The following LIMA1 variants were observed in gnomAD, a reference collection of about 807,000 sequenced individuals.
LIMA1 encodes the protein LIM domain and actin binding 1.
LIMA1 carries 52 observed loss-of-function variants against 62.6 expected under a neutral mutation model. That is an observed-to-expected ratio of 0.83 (90% CI 0.67 to 1.05). The LOEUF is 1.05. LIMA1 is among the 50% of genes least tolerant of loss of function. The pLI, the probability that LIMA1 is intolerant of heterozygous loss-of-function variation, is 0.00. For missense variants in LIMA1, 780 were observed against 902.2 expected (o/e 0.86, Z 1.74); for synonymous variants, 302 against 317.8 (o/e 0.95, Z 0.53).
At chr12:50,270,233 CAAAAAAA>C (rs60610107) in intron 1 of LIMA1, among the ~76,000 whole-genome samples, 25 of 68,402 alleles carry the variant, frequency 3.7e-4, no homozygotes, top group East Asian at 2.1e-3. Flanking sequence ...GAAACTCTGT[CAAAAAAA>C]AAAAAAAAAA....
chr12:50,244,751 C>T (rs369492620), intron 2 of LIMA1, among the ~76,000 whole-genome samples: 1 of 152,216 alleles, frequency 6.6e-6, no homozygotes, highest in African/African-American at 2.4e-5. Flanking sequence ...TTTCCAACCT[C>T]TTAACTCTCC....
At chr12:50,253,373 A>T (rs1941954290) in intron 1 of LIMA1, among the ~76,000 whole-genome samples, 1 of 152,232 alleles carries the variant, frequency 6.6e-6, no homozygotes. Context: ...TGGTAACGAA[A>T]TTGAGATTCA....
intron 3 of LIMA1, among the ~76,000 whole-genome samples, chr12:50,225,495 T>A (rs1941514082): frequency 6.6e-6 from 1 of 152,232 alleles, no homozygotes; most frequent in Non-Finnish European, 1.5e-5. Context: ...GTTCTACACT[T>A]TGCATTTAAT....
At chr12:50,214,466 T>A (rs1456216515) in intron 4 of LIMA1, among the ~76,000 whole-genome samples, 1 of 152,240 alleles carries the variant, frequency 6.6e-6, no homozygotes, top group East Asian at 1.9e-4. Flanking sequence ...TGTTAATAGT[T>A]ATTCAAATAC....
intron 4 of LIMA1, among the ~76,000 whole-genome samples, chr12:50,208,515 T>C (rs767074917): frequency 6.6e-6 from 1 of 151,640 alleles, no homozygotes; most frequent in Non-Finnish European, 1.5e-5. Context: ...CTGGGCATTA[T>C]GGCATGCGCC....
chr12:50,177,273 TATC>T lies in LIMA1; in HGVS notation c.2068_2070del (p.Asp690del), dbSNP rs770856744. On this transcript the variant is annotated inframe_deletion, in exon 11 of 11. Transcript: ENST00000341247. The stretch of plus-strand genomic sequence containing the variant: ...GGAGATTGTTGTTTGAGGAAGCTGT[TATC>T]ATCTTCATCGGAGTCTGCACCATTT... 6 of 1,614,184 alleles carry T rather than the reference TATC, an allele frequency of 3.7e-6. No individual in the cohort carries two copies. The highest frequency in any genetic ancestry group is 5.1e-6 in the Non-Finnish European group (6 of 1,180,042).
chr12:50,264,239 TG>T (rs1942112454), intron 1 of LIMA1, among the ~76,000 whole-genome samples: 1 of 152,110 alleles, frequency 6.6e-6, no homozygotes, highest in South Asian at 2.1e-4. Context: ...TGACTGCTGA[TG>T]GGTATGAATT....
At chr12:50,193,992 T>C (rs1592505942) in intron 8 of LIMA1, among the ~76,000 whole-genome samples, 1 of 132,720 alleles carries the variant, frequency 7.5e-6, no homozygotes, top group Non-Finnish European at 1.5e-5. Context: ...TATATATATA[T>C]ATATATTTTT....
chr12:50,180,906 A>G (rs2138379843), intron 10 of LIMA1, among the ~76,000 whole-genome samples: 1 of 151,852 alleles, frequency 6.6e-6, no homozygotes, highest in Non-Finnish European at 1.5e-5. Context: ...AGGTCAGGAG[A>G]TCAAGACCAT....
chr12:50,178,960 A>AT (rs1330751159), intron 10 of LIMA1, among the ~76,000 whole-genome samples: 14 of 104,390 alleles, frequency 1.3e-4, no homozygotes, highest in African/African-American at 5.1e-4. Flanking sequence ...ACATATATAT[A>AT]TATATATTTT....
At position 50,195,891 on chromosome 12, in the gene LIMA1, CAAAAAAAAAAA is replaced by C. The variant is rs373254884; in HGVS notation, c.973-15_973-5del. 2.6e-5 allele frequency: 29 copies of C among 1,098,804 alleles called. No individual in the cohort carries two copies. The highest frequency in any genetic ancestry group is 3.0e-5 in the Non-Finnish European group (26 of 876,518). The allele number at this position is 1,098,804 out of a possible 1,614,324, so 68.1% of individuals were successfully genotyped here. On this transcript the variant is annotated splice_polypyrimidine_tract_variant and splice_region_variant and intron_variant, in intron 7 of 10. Coordinates refer to ENST00000341247, the MANE Select transcript of LIMA1 (RefSeq NM_016357.5). ...GGCTATTCTCATTTGCAGAAATCTA[CAAAAAAAAAAA>C]AAAAAAAAAAGTTAGAGGGGGATTA...
intron 7 of LIMA1, among the ~76,000 whole-genome samples, chr12:50,196,923 T>G (rs1940941867): frequency 1.3e-5 from 2 of 152,190 alleles, no homozygotes; most frequent in South Asian, 4.1e-4. Context: ...AAATGCACTA[T>G]TTTATCTAAT....
rs192414951 is a variant in LIMA1 at position 50,237,050 on chromosome 12, C to A, written c.120-5340G>T. ...ATAGAAGGCATTTTGTCTATGCCTTCTTTAATATCTGCCAAAATTATAAAA... is the reference window on the plus strand; with the variant it reads ...ATAGAAGGCATTTTGTCTATGCCTTATTTAATATCTGCCAAAATTATAAAA... On this transcript the variant is annotated intron_variant, in intron 2 of 10. Coordinates refer to ENST00000341247, the MANE Select transcript of LIMA1 (RefSeq NM_016357.5). 9.2e-5 allele frequency among the ~76,000 whole-genome samples: 14 copies of A among 152,236 alleles called. No homozygotes were observed. In the East Asian group the frequency reaches 2.7e-3, roughly 29 times the overall value.
rs180872919 is a variant in LIMA1, at chr12:50,195,737, T to C, written c.1030+93A>G. Reference sequence around the variant, plus strand: ...TCAAGTAGAGGATTTACTATGTTATTTTCTCAGCACTGACAGTAATGGGAA... The same window carrying C: ...TCAAGTAGAGGATTTACTATGTTATCTTCTCAGCACTGACAGTAATGGGAA... On this transcript the variant is annotated intron_variant, in intron 8 of 10. Transcript: ENST00000341247. 30 of 1,243,510 alleles carry C rather than the reference T, an allele frequency of 2.4e-5. No individual in the cohort carries two copies. The African/African-American group carries it at 4.0e-4, about 17-fold the overall frequency. The allele number at this position is 1,243,510 out of a possible 1,614,324, so 77.0% of individuals were successfully genotyped here.
At chr12:50,255,897 A>T (rs181533425) in intron 1 of LIMA1, among the ~76,000 whole-genome samples, 2,693 of 149,706 alleles carry the variant, frequency 0.018, 82 homozygotes, top group African/African-American at 0.061. Context: ...ATAGTTATTT[A>T]TTTTTTTTTT....
intron 3 of LIMA1, among the ~76,000 whole-genome samples, chr12:50,230,334 C>G (rs535501842): frequency 6.6e-6 from 1 of 152,254 alleles, no homozygotes; most frequent in East Asian, 1.9e-4. Flanking sequence ...CCGCGCCCAG[C>G]CATACTGACA....
In LIMA1 at chr12:50,222,375, G is replaced by T; in HGVS notation, c.276C>A (p.Asn92Lys). 1 of 1,614,172 alleles carries T rather than the reference G, an allele frequency of 6.2e-7. No individual in the cohort carries two copies. Among genetic ancestry groups the T allele is most frequent in the Non-Finnish European group, 8.5e-7 (1 of 1,180,034 alleles). Reference protein sequence around the residue: ...GAESHTDSLRNSSTEIRHRAD... With the variant: ...GAESHTDSLRKSSTEIRHRAD... ...CTCTGTGCCTAATCTCAGTGCTGCT[G>T]TTCCGTAGAGAGTCTGTGTGAGACT... The change falls in exon 4 of 11, where the codon AAC becomes AAA. Residue 92 changes from asparagine to lysine, a missense_variant. By Grantham distance (94) the Asn-to-Lys change is moderately conservative (BLOSUM62 0). Transcript: ENST00000341247.
At chr12:50,242,505 G>A (rs1941792819) in intron 2 of LIMA1, among the ~76,000 whole-genome samples, 2 of 152,084 alleles carry the variant, frequency 1.3e-5, no homozygotes, top group Non-Finnish European at 2.9e-5. Flanking sequence ...CTAGGAATGG[G>A]TAAAGTTATA....
At chr12:50,280,144 A>ATTTTTGTTTTTTTTTTTTTTTTTTTT (rs1942321728) in intron 1 of LIMA1, among the ~76,000 whole-genome samples, 1 of 68,266 alleles carries the variant, frequency 1.5e-5, no homozygotes, top group African/African-American at 6.0e-5. Flanking sequence ...GGGTAGTAGT[A>ATTTTTGTTTTTTTTTTTTTTTTTTTT]TTTTTTTTTT....
Sources: gnomAD v4.1 joint callset for allele counts (sites outside exome capture counted in the v4.1 genomes callset) on GRCh38, gnomAD v4.1.1 for gene constraint, MANE v1.5 for transcripts, NCBI Gene and HGNC (gene_info 2026-07-23, HGNC 2026-07-21) for gene names.